Variants in PALM2AKAP2 observed in about 807,000 individuals in gnomAD.
PALM2AKAP2 encodes the protein PALM2 and AKAP2 fusion.
PALM2AKAP2 carries 37 observed loss-of-function variants against 71.5 expected under a neutral mutation model. The ratio of observed to expected loss-of-function variants is 0.52; its 90% CI spans 0.40 to 0.68. The LOEUF is 0.68. Among genes scored for constraint, PALM2AKAP2 ranks in the 30% least tolerant of loss-of-function variants. The probability of loss-of-function intolerance (pLI) is 0.00; values close to 1 mark genes in which losing one functional copy is unlikely to be tolerated. For missense variants in PALM2AKAP2, 1,224 were observed against 1,191.8 expected (o/e 1.03, Z -0.40); for synonymous variants, 468 against 478.8 (o/e 0.98, Z 0.29).
chr9:110,050,892 T>A (rs974070022), intron 1 of PALM2AKAP2, among the ~76,000 whole-genome samples: 5 of 152,062 alleles, frequency 3.3e-5, no homozygotes, highest in Non-Finnish European at 7.4e-5. Context: ...CCTCCCAAAG[T>A]GCTGGGATTA....
chr9:110,067,561 A>C (rs1305317251), intron 1 of PALM2AKAP2, among the ~76,000 whole-genome samples: 1 of 152,234 alleles, frequency 6.6e-6, no homozygotes, highest in African/African-American at 2.4e-5. Context: ...TACATTGTGC[A>C]CAGTCCTCTT....
Position 109,912,402 on chromosome 9 carries a change from CCT to C in PALM2AKAP2, c.258-11330_258-11329del, listed in dbSNP as rs1294198145. On this transcript the variant is annotated intron_variant, in intron 3 of 9. Coordinates refer to the PALM2AKAP2 transcript ENST00000302798. ...TTCTTTCATAAGGAAAAGTGGAAAT[CCT>C]CTGTTTACTTAAGGGCCATTAACAT... Among the ~76,000 whole-genome samples the C allele has an allele frequency of 6.6e-5, 10 of 152,018 alleles. No homozygotes were observed. The East Asian group carries it at 1.9e-3, about 29-fold the overall frequency.
intron 1 of PALM2AKAP2, among the ~76,000 whole-genome samples, chr9:109,682,131 A>G (rs1587865710): frequency 6.6e-6 from 1 of 152,306 alleles, no homozygotes; most frequent in Non-Finnish European, 1.5e-5. Context: ...AAGACCAATT[A>G]AGGAGCCACC....
At chr9:109,712,752 T>G (rs1177247536) in intron 1 of PALM2AKAP2, among the ~76,000 whole-genome samples, 4 of 152,336 alleles carry the variant, frequency 2.6e-5, no homozygotes, top group Middle Eastern at 3.4e-3. Context: ...ATCTCACATT[T>G]GGGAGCCCTC....
intron 1 of PALM2AKAP2, among the ~76,000 whole-genome samples, chr9:109,782,938 G>A (rs1826859232): frequency 6.6e-6 from 1 of 152,060 alleles, no homozygotes; most frequent in Non-Finnish European, 1.5e-5. Flanking sequence ...GGAGTTCTCA[G>A]GGGACCCTGA....
chr9:109,847,842 G>A (rs547103888), intron 1 of PALM2AKAP2, among the ~76,000 whole-genome samples: 42 of 152,306 alleles, frequency 2.8e-4, no homozygotes, highest in African/African-American at 1.0e-3. Context: ...GCCCCACCTG[G>A]CTGTAGGTGA....
intron 1 of PALM2AKAP2, among the ~76,000 whole-genome samples, chr9:110,077,203 T>G (rs1007370969): frequency 6.6e-6 from 1 of 152,154 alleles, no homozygotes; most frequent in Non-Finnish European, 1.5e-5. Context: ...GAGCCTTGGT[T>G]CCTTTATCTG....
intron 6 of PALM2AKAP2, among the ~76,000 whole-genome samples, chr9:109,948,255 G>C (rs1181910707): frequency 1.3e-5 from 2 of 152,170 alleles, no homozygotes; most frequent in Non-Finnish European, 2.9e-5. Context: ...TTTGAATGTA[G>C]AAAGGTATAG....
intron 7 of PALM2AKAP2, among the ~76,000 whole-genome samples, chr9:110,040,764 C>A (rs1425687223): frequency 6.6e-6 from 1 of 152,200 alleles, no homozygotes; most frequent in African/African-American, 2.4e-5. Context: ...ATCTAAAACA[C>A]AGGTCCCTAA....
intron 3 of PALM2AKAP2, among the ~76,000 whole-genome samples, chr9:109,900,687 T>C (rs1830307127): frequency 6.6e-6 from 1 of 152,184 alleles, no homozygotes; most frequent in South Asian, 2.1e-4. Flanking sequence ...TACCCAATAA[T>C]AATGGGAGGC....
chr9:109,680,627 A>G (rs1039623787), intron 1 of PALM2AKAP2, among the ~76,000 whole-genome samples: 1 of 152,254 alleles, frequency 6.6e-6, no homozygotes, highest in Non-Finnish European at 1.5e-5. Flanking sequence ...ATATTTTAAA[A>G]ACAAATCTGT....
At chr9:109,882,506 A>G (rs1202704193) in intron 3 of PALM2AKAP2, among the ~76,000 whole-genome samples, 1 of 152,236 alleles carries the variant, frequency 6.6e-6, no homozygotes, top group East Asian at 1.9e-4. Context: ...CAAAGGATAA[A>G]GGCTAAACTG....
In PALM2AKAP2 at chr9:109,882,041, C is replaced by T. The variant is rs146265382; in HGVS notation, c.257+1360C>T. On this transcript the variant is annotated intron_variant, in intron 3 of 9. Coordinates refer to the PALM2AKAP2 transcript ENST00000302798. ...TGGGACTACAGGCGTGCACCAACCA[C>T]GCCCAGCTAATTTTTGTATTTTTAG... 5.0e-3 allele frequency among the ~76,000 whole-genome samples: 756 copies of T among 151,968 alleles called. 5 individuals carry two copies. Among genetic ancestry groups the T allele is most frequent in the African/African-American group, 0.015 (635 of 41,464 alleles).
At chr9:109,848,910 G>A (rs1395626022) in intron 1 of PALM2AKAP2, among the ~76,000 whole-genome samples, 3 of 151,502 alleles carry the variant, frequency 2.0e-5, no homozygotes, top group Admixed American at 6.6e-5. Context: ...AATGTTGACA[G>A]AACAAGTTGA....
chr9:110,098,680 A>G (rs1485097396), intron 1 of PALM2AKAP2, among the ~76,000 whole-genome samples: 2 of 152,202 alleles, frequency 1.3e-5, no homozygotes, highest in African/African-American at 4.8e-5. Flanking sequence ...TCAGGGATCC[A>G]AATGAAGATC....
chr9:109,780,015 C>T (rs1825747004), upstream of PALM2AKAP2, among the ~76,000 whole-genome samples: 1 of 151,634 alleles, frequency 6.6e-6, no homozygotes, highest in Non-Finnish European at 1.5e-5. Flanking sequence ...TGCGCCCGCG[C>T]CCCAGGTGCC....
At chr9:109,747,430 G>C (rs895245247) in intron 1 of PALM2AKAP2, among the ~76,000 whole-genome samples, 79 of 152,116 alleles carry the variant, frequency 5.2e-4, no homozygotes, top group African/African-American at 1.9e-3. Context: ...TGACGTTCTT[G>C]GGGTTCCTGT....
At position 109,861,430 on chromosome 9, in the gene PALM2AKAP2, T is replaced by C. The variant is rs10453226; in HGVS notation, c.46-6061T>C. Among the ~76,000 whole-genome samples, 408 of 152,342 alleles carry C rather than the reference T, an allele frequency of 2.7e-3. 5 individuals are homozygous for C. The highest frequency in any genetic ancestry group is 9.3e-3 in the African/African-American group (387 of 41,580). On this transcript the variant is annotated intron_variant, in intron 1 of 9. Coordinates refer to the PALM2AKAP2 transcript ENST00000302798. ...CTCTTTAACAATAGTTTACGTGTTA[T>C]GTTACGAACATGTTATGATTATAAC...
At chr9:109,722,463 A>T (rs1828419496) in intron 1 of PALM2AKAP2, among the ~76,000 whole-genome samples, 1 of 152,142 alleles carries the variant, frequency 6.6e-6, no homozygotes, top group Non-Finnish European at 1.5e-5. Flanking sequence ...AGCCATGTAA[A>T]TTGTTACAGA....
Sources: gnomAD v4.1 joint callset for allele counts (sites outside exome capture counted in the v4.1 genomes callset) on GRCh38, gnomAD v4.1.1 for gene constraint, MANE v1.5 for transcripts, NCBI Gene and HGNC (gene_info 2026-07-23, HGNC 2026-07-21) for gene names.